The following TUBGCP3 variants were observed in gnomAD, a reference collection of about 807,000 sequenced individuals.
TUBGCP3 encodes gamma-tubulin complex component 3.
In TUBGCP3, 50 loss-of-function variants were observed where a neutral mutation model predicts 123.1. The observed-to-expected ratio is 0.41, with a 90% CI of 0.32 to 0.51. The LOEUF (loss-of-function observed/expected upper bound fraction) is 0.51. Among genes scored for constraint, TUBGCP3 ranks in the 20% least tolerant of loss-of-function variants. The pLI, the probability that TUBGCP3 is intolerant of heterozygous loss-of-function variation, is 0.36. For missense variants in TUBGCP3, 882 were observed against 1,127.0 expected, an observed-to-expected ratio of 0.78 and a Z score of 3.11; for synonymous variants, 405 against 413.9, an observed-to-expected ratio of 0.98 and a Z score of 0.26.
intron 1 of TUBGCP3, among the ~76,000 whole-genome samples, chr13:112,586,827 G>C (rs1432558758): frequency 6.6e-6 from 1 of 152,134 alleles, no homozygotes; most frequent in Admixed American, 6.6e-5. Flanking sequence ...TGTCCTCAAA[G>C]ATTTCTTAGA....
At chr13:112,512,159 G>A (rs1479264934) in intron 17 of TUBGCP3, among the ~76,000 whole-genome samples, 2 of 152,132 alleles carry the variant, frequency 1.3e-5, no homozygotes, top group African/African-American at 2.4e-5. Flanking sequence ...AGTAGCTCAC[G>A]CCCATAACCC....
intron 17 of TUBGCP3, among the ~76,000 whole-genome samples, chr13:112,510,847 C>T (rs1015833392): frequency 3.3e-5 from 5 of 152,158 alleles, no homozygotes; most frequent in Non-Finnish European, 2.9e-5. Flanking sequence ...CAGGCACCTC[C>T]AATCTGTATT....
intron 11 of TUBGCP3, among the ~76,000 whole-genome samples, chr13:112,537,428 A>T (rs577906157): frequency 1.3e-5 from 2 of 152,254 alleles, no homozygotes; most frequent in East Asian, 3.9e-4. Context: ...TCACTGCCTT[A>T]GTAAGATGTC....
chr13:112,562,756 G>A (rs1398275219), intron 3 of TUBGCP3, among the ~76,000 whole-genome samples: 1 of 152,226 alleles, frequency 6.6e-6, no homozygotes, highest in Non-Finnish European at 1.5e-5. Flanking sequence ...AGGACCGCAA[G>A]TTCAGATACA....
chr13:112,561,531 A>C lies in TUBGCP3; in HGVS notation c.253-2132T>G, dbSNP rs182662083. ...AACGAGAGATATAGCTGGGGAGTCA[A>C]GATGACACTCAGGTTCTCATGGGGG... On this transcript the variant is annotated intron_variant, in intron 3 of 21. Coordinates refer to ENST00000261965, the MANE Select transcript of TUBGCP3 (RefSeq NM_006322.6). Among the ~76,000 whole-genome samples the C allele has an allele frequency of 2.0e-5, 3 of 152,344 alleles. No homozygotes were observed. In the East Asian group the frequency reaches 5.8e-4, roughly 29 times the overall value.
At chr13:112,489,949 G>T in intron 20 of TUBGCP3, 1 of 514,974 alleles carries the variant, frequency 1.9e-6, no homozygotes, top group South Asian at 2.7e-5. Flanking sequence ...ATATCACATT[G>T]TATAACATGT....
chr13:112,541,101 G>GT, intron 11 of TUBGCP3, among the ~76,000 whole-genome samples: 1 of 152,296 alleles, frequency 6.6e-6, no homozygotes, highest in African/African-American at 2.4e-5. Flanking sequence ...CGATTTATCA[G>GT]TTTTTGCCCA....
intron 17 of TUBGCP3, 82 bp downstream of exon 17, chr13:112,516,358 C>T (rs919787308): frequency 2.3e-5 from 32 of 1,393,530 alleles, no homozygotes; most frequent in Admixed American, 6.0e-5. Context: ...TTAACTTCTG[C>T]GGAGTTGCTG....
intron 13 of TUBGCP3, among the ~76,000 whole-genome samples, chr13:112,523,482 A>G (rs1291978760): frequency 6.6e-6 from 1 of 152,188 alleles, no homozygotes; most frequent in African/African-American, 2.4e-5. Flanking sequence ...CAGTGAAGAA[A>G]CTGTAGTTAT....
At chr13:112,563,706 AC>A (rs758645954) in intron 3 of TUBGCP3, among the ~76,000 whole-genome samples, 1,604 of 103,886 alleles carry the variant, frequency 0.015, 62 homozygotes, top group Non-Finnish European at 0.021. Context: ...TACTAAAAAT[AC>A]CAAAAAAAAA....
chr13:112,601,604 G>A, the TUBGCP3 span, among the ~76,000 whole-genome samples: 1 of 152,160 alleles, frequency 6.6e-6, no homozygotes, highest in East Asian at 1.9e-4. Context: ...GATCACTCTC[G>A]AAGGTCAAGA....
intron 1 of TUBGCP3, 98 bp downstream of exon 1, chr13:112,587,807 A>C: frequency 8.9e-7 from 1 of 1,117,918 alleles, no homozygotes; most frequent in Non-Finnish European, 1.2e-6. Flanking sequence ...CCGGCCCTGC[A>C]TCCTCGTTCC....
At chr13:112,504,547 CATAT>C (rs3832905) in intron 18 of TUBGCP3, 75 bp downstream of exon 18, 195,491 of 862,744 alleles carry the variant, frequency 0.23, 23,007 homozygotes, top group East Asian at 0.44. Context: ...CATACATACA[CATAT>C]ATATATATAT....
chr13:112,560,343 T>C (rs367978470), intron 3 of TUBGCP3, among the ~76,000 whole-genome samples: 1 of 148,534 alleles, frequency 6.7e-6, no homozygotes, highest in East Asian at 2.0e-4. Flanking sequence ...GGCAGGAGAA[T>C]GGCGTGAACC....
chr13:112,590,777 A>C (rs1412204917), upstream of TUBGCP3, among the ~76,000 whole-genome samples: 1 of 152,230 alleles, frequency 6.6e-6, no homozygotes, highest in African/African-American at 2.4e-5. Context: ...GGTTAGTAGA[A>C]TGCACAAGCA....
At chr13:112,540,666 T>A (rs961934362) in intron 11 of TUBGCP3, among the ~76,000 whole-genome samples, 4 of 151,440 alleles carry the variant, frequency 2.6e-5, no homozygotes, top group Admixed American at 2.0e-4. Context: ...CTATGAGCAT[T>A]CAGATGGTCT....
chr13:112,558,368 C>T lies in TUBGCP3; in HGVS notation c.376G>A (p.Ala126Thr), dbSNP rs765334132. ...GCATAGTAGTAAGGGGTTGAGTGGG[C>T]ATCTCTTGGTAAGGCCTGAGCAAAT... ...TLFAQALPRD[A>T]HSTPYYYARP... Residue 126 changes from alanine (A) to threonine (T), a missense_variant, in exon 5 of 22, where the codon GCC (alanine) becomes ACC (threonine). By Grantham distance (58) the Ala-to-Thr change is moderately conservative. Coordinates refer to ENST00000261965, the MANE Select transcript of TUBGCP3 (RefSeq NM_006322.6). The T allele has an allele frequency of 2.6e-5, 42 of 1,604,576 alleles. No homozygotes were observed. Among genetic ancestry groups the T allele is most frequent in the Non-Finnish European group, 3.3e-5 (39 of 1,172,174 alleles).
intron 13 of TUBGCP3, among the ~76,000 whole-genome samples, chr13:112,526,308 C>T (rs1877083744): frequency 6.9e-6 from 1 of 144,602 alleles, no homozygotes; most frequent in South Asian, 2.3e-4. Context: ...ACCATCACTG[C>T]CACCACCATG....
At chr13:112,491,989 T>C (rs1363820345) in intron 20 of TUBGCP3, among the ~76,000 whole-genome samples, 1 of 152,256 alleles carries the variant, frequency 6.6e-6, no homozygotes, top group Admixed American at 6.5e-5. Context: ...TATACCATGC[T>C]TTCCGGTTTG....
Sources: allele counts gnomAD v4.1 joint callset (sites outside exome capture counted in the v4.1 genomes callset), GRCh38; gene constraint gnomAD v4.1.1; transcripts MANE v1.5; gene names NCBI Gene and HGNC (gene_info 2026-07-23, HGNC 2026-07-21).